Variants in TEX9 observed in about 807,000 individuals in gnomAD.
The protein encoded by TEX9 is testis expressed 9, also known as testis-expressed protein 9.
TEX9 carries 74 observed loss-of-function variants against 59.6 expected under a neutral mutation model. The ratio of observed to expected loss-of-function variants is 1.24; its 90% CI spans 1.03 to 1.51. The LOEUF (loss-of-function observed/expected upper bound fraction) is 1.51. TEX9 is among the 40% of genes most tolerant of loss of function. The pLI is 0.00. For missense variants in TEX9, 522 were observed against 447.8 expected (o/e 1.17, Z -1.49); for synonymous variants, 186 against 152.2 (o/e 1.22, Z -1.64).
chr15:56,265,201 G>A (rs1476770043), intron 1 of TEX9, among the ~76,000 whole-genome samples: 1 of 148,406 alleles, frequency 6.7e-6, no homozygotes, highest in Non-Finnish European at 1.5e-5. Context: ...ACTGTGGAGT[G>A]TAGTGGTACC....
At chr15:56,378,338 A>T (rs555688476) in intron 3 of TEX9, among the ~76,000 whole-genome samples, 1 of 152,068 alleles carries the variant, frequency 6.6e-6, no homozygotes, top group Non-Finnish European at 1.5e-5. Flanking sequence ...CAGTGCAGCC[A>T]TCAGGTCCTG....
the TEX9 span, among the ~76,000 whole-genome samples, chr15:56,455,068 C>G: frequency 6.6e-6 from 1 of 152,024 alleles, no homozygotes; most frequent in Non-Finnish European, 1.5e-5. Flanking sequence ...CTACAAATGC[C>G]AAGCTTGCAT....
At chr15:56,364,395 C>T (rs958903400), upstream of TEX9, among the ~76,000 whole-genome samples, 7 of 151,848 alleles carry the variant, frequency 4.6e-5, no homozygotes, top group African/African-American at 7.3e-5. Flanking sequence ...TCAGGTGATC[C>T]ACCCGCCTTG....
intron 2 of TEX9, among the ~76,000 whole-genome samples, chr15:56,367,906 T>C (rs534638028): frequency 4.1e-4 from 63 of 152,342 alleles, no homozygotes; most frequent in African/African-American, 1.5e-3. Context: ...TGCTGAACTC[T>C]CTTATTCATT....
chr15:56,266,001 A>C (rs2141366380), intron 1 of TEX9, among the ~76,000 whole-genome samples: 1 of 152,262 alleles, frequency 6.6e-6, no homozygotes, highest in Non-Finnish European at 1.5e-5. Context: ...ATAATTTTGG[A>C]CTTATCTAAT....
At chr15:56,408,596 A>T (rs1442591887) in intron 9 of TEX9, 1 of 151,634 alleles carries the variant, frequency 6.6e-6, no homozygotes, top group African/African-American at 2.4e-5. Flanking sequence ...GTTAAACTTC[A>T]CATGTCCTAA....
intron 1 of TEX9, among the ~76,000 whole-genome samples, chr15:56,246,179 C>A (rs1003100327): frequency 3.9e-5 from 6 of 152,210 alleles, no homozygotes; most frequent in African/African-American, 9.6e-5. Context: ...CCAGGTCACC[C>A]CAGCAGCCAC....
At chr15:56,405,664 G>C (rs1409893007) in intron 9 of TEX9, among the ~76,000 whole-genome samples, 6 of 151,970 alleles carry the variant, frequency 3.9e-5, no homozygotes, top group Admixed American at 3.9e-4. Context: ...TAATTCTCAT[G>C]GGTTATGTAG....
intron 1 of TEX9, among the ~76,000 whole-genome samples, chr15:56,269,809 T>A (rs2044481852): frequency 6.6e-6 from 1 of 151,930 alleles, no homozygotes; most frequent in Non-Finnish European, 1.5e-5. Context: ...GTGCACCACC[T>A]ACACCTGGAT....
chr15:56,431,525 T>G, intron 12 of TEX9: 1 of 1,612,468 alleles, frequency 6.2e-7, no homozygotes, highest in East Asian at 2.2e-5. Context: ...AATTTTGTTA[T>G]CACAAAGTAC....
At chr15:56,393,601 C>T (rs547408544) in intron 7 of TEX9, 76 of 152,264 alleles carry the variant, frequency 5.0e-4, no homozygotes, top group African/African-American at 1.8e-3. Context: ...CTATAAACTT[C>T]AAAGATTTAC....
chr15:56,376,088 G>A (rs1328667127), intron 3 of TEX9, among the ~76,000 whole-genome samples: 1 of 124,442 alleles, frequency 8.0e-6, no homozygotes, highest in Admixed American at 8.9e-5. Flanking sequence ...GGGGGAGGGG[G>A]GAGGGATAGC....
At chr15:56,253,089 T>C (rs1468637660) in intron 1 of TEX9, among the ~76,000 whole-genome samples, 3 of 152,122 alleles carry the variant, frequency 2.0e-5, no homozygotes, top group African/African-American at 4.8e-5. Context: ...GCCTAGTTTT[T>C]ACATGCCACT....
At chr15:56,314,959 A>C (rs2045717450) in intron 1 of TEX9, among the ~76,000 whole-genome samples, 1 of 151,566 alleles carries the variant, frequency 6.6e-6, no homozygotes, top group Non-Finnish European at 1.5e-5. Flanking sequence ...TTTATCAGAG[A>C]CTGGGATTGC....
chr15:56,364,248 G>C, upstream of TEX9, among the ~76,000 whole-genome samples: 1 of 151,812 alleles, frequency 6.6e-6, no homozygotes, highest in Non-Finnish European at 1.5e-5. Context: ...CTGCCTCCCA[G>C]GTTCAAGCGA....
intron 10 of TEX9, among the ~76,000 whole-genome samples, chr15:56,427,127 C>G (rs1479981022): frequency 6.6e-6 from 1 of 152,050 alleles, no homozygotes; most frequent in African/African-American, 2.4e-5. Flanking sequence ...TGCTTGAGTT[C>G]TTACCTCTGT....
intron 1 of TEX9, chr15:56,274,600 A>T (rs1048202362): frequency 2.0e-5 from 3 of 152,108 alleles, no homozygotes; most frequent in Non-Finnish European, 4.4e-5. Flanking sequence ...TCTCTGTATC[A>T]TTCCAATTTT....
chr15:56,426,055 A>G (rs1220677062), intron 10 of TEX9, among the ~76,000 whole-genome samples: 4 of 152,130 alleles, frequency 2.6e-5, no homozygotes, highest in Admixed American at 1.3e-4. Flanking sequence ...TCCTCTGCCC[A>G]TAATTTTTTG....
At chr15:56,459,737 T>C in the TEX9 span, among the ~76,000 whole-genome samples, 2 of 151,682 alleles carry the variant, frequency 1.3e-5, no homozygotes, top group Non-Finnish European at 2.9e-5. Context: ...TAATCCACTT[T>C]GGGAGCACTT....
Sources: allele counts gnomAD v4.1 joint callset (sites outside exome capture counted in the v4.1 genomes callset), GRCh38; gene constraint gnomAD v4.1.1; transcripts MANE v1.5; gene names NCBI Gene and HGNC (gene_info 2026-07-23, HGNC 2026-07-21).